The following TBC1D14 variants were observed in gnomAD, a reference collection of about 807,000 sequenced individuals.
TBC1D14 encodes the protein TBC1 domain family, member 14.
TBC1D14 carries 26 observed loss-of-function variants against 79.0 expected under a neutral mutation model. That is an observed-to-expected ratio of 0.33 (90% confidence interval 0.24 to 0.46). TBC1D14 has a LOEUF of 0.46. Among genes scored for constraint, TBC1D14 ranks in the 20% least tolerant of loss-of-function variants. The pLI is 1.00. For synonymous variants in TBC1D14, 394 were observed against 349.9 expected (o/e 1.13, Z -1.40); for missense variants, 769 against 887.6 (o/e 0.87, Z 1.70).
chr4:6,978,654 T>C (rs990051348), intron 3 of TBC1D14, among the ~76,000 whole-genome samples: 7 of 148,194 alleles, frequency 4.7e-5, no homozygotes, highest in Non-Finnish European at 1.0e-4. Flanking sequence ...TTTGTTCACT[T>C]GTTTATCTGC....
At chr4:6,934,057 A>C (rs371971885) in intron 2 of TBC1D14, among the ~76,000 whole-genome samples, 1 of 152,132 alleles carries the variant, frequency 6.6e-6, no homozygotes, top group South Asian at 2.1e-4. Context: ...CATCTTAGAC[A>C]TTTGCAGGAA....
chr4:7,026,553 C>T (rs983807056), intron 13 of TBC1D14, among the ~76,000 whole-genome samples: 3 of 152,120 alleles, frequency 2.0e-5, no homozygotes, highest in Non-Finnish European at 2.9e-5. Flanking sequence ...TATGCCACGC[C>T]ACTTCTCACT....
At chr4:7,007,370 A>G (rs540997958) in intron 9 of TBC1D14, among the ~76,000 whole-genome samples, 1 of 151,744 alleles carries the variant, frequency 6.6e-6, no homozygotes, top group Non-Finnish European at 1.5e-5. Context: ...TCTGAGCTGA[A>G]CTCTTTAAAG....
At chr4:7,012,356 T>A (rs987054952) in intron 11 of TBC1D14, among the ~76,000 whole-genome samples, 18 of 151,776 alleles carry the variant, frequency 1.2e-4, no homozygotes, top group Non-Finnish European at 2.4e-4. Context: ...ACTGGGACTG[T>A]AAATTGGCAC....
chr4:7,003,063 T>C (rs1448736392), intron 7 of TBC1D14, among the ~76,000 whole-genome samples: 1 of 152,158 alleles, frequency 6.6e-6, no homozygotes, highest in Non-Finnish European at 1.5e-5. Flanking sequence ...ATTGAAAACT[T>C]AGTGAAAGTC....
At chr4:7,019,838 G>C in intron 12 of TBC1D14, among the ~76,000 whole-genome samples, 1 of 70,588 alleles carries the variant, frequency 1.4e-5, no homozygotes, top group South Asian at 4.4e-4. Context: ...CTGGGGCACA[G>C]AGGTGGGTAT....
At chr4:6,920,796 G>C (rs972642991) in intron 1 of TBC1D14, among the ~76,000 whole-genome samples, 2 of 152,086 alleles carry the variant, frequency 1.3e-5, no homozygotes, top group African/African-American at 4.8e-5. Flanking sequence ...TTTTTACTTT[G>C]AGACAGAGTT....
At chr4:6,950,796 A>T (rs1016724756) in intron 2 of TBC1D14, among the ~76,000 whole-genome samples, 29 of 152,152 alleles carry the variant, frequency 1.9e-4, no homozygotes, top group Admixed American at 6.5e-5. Flanking sequence ...TACATTTATC[A>T]TTGATTTGAT....
At chr4:6,982,454 C>T (rs9942188) in intron 3 of TBC1D14, among the ~76,000 whole-genome samples, 15,081 of 152,040 alleles carry the variant, frequency 0.099, 1,266 homozygotes, top group African/African-American at 0.22. Context: ...GTGTGACTAC[C>T]GAGGGCTAAC....
chr4:7,012,726 A>G (rs1250859230), intron 11 of TBC1D14, among the ~76,000 whole-genome samples: 2 of 152,210 alleles, frequency 1.3e-5, no homozygotes, highest in African/African-American at 2.4e-5. Context: ...ACTAGTGTTT[A>G]TAGTTTTTTG....
intron 9 of TBC1D14, among the ~76,000 whole-genome samples, 156 bp from the exon 10 acceptor site, chr4:7,009,721 T>G (rs995193938): frequency 2.6e-5 from 4 of 152,210 alleles, no homozygotes; most frequent in Non-Finnish European, 4.4e-5. Flanking sequence ...TTTGTTAAAT[T>G]CCATATGCAT....
At chr4:6,949,132 G>C (rs12511796) in intron 2 of TBC1D14, among the ~76,000 whole-genome samples, 135,750 of 151,860 alleles carry the variant, frequency 0.89, 60,754 homozygotes, top group East Asian at 0.97. Context: ...TGAGATCTTG[G>C]CACTGCACTC....
At chr4:6,931,116 G>T (rs1711678888) in intron 2 of TBC1D14, among the ~76,000 whole-genome samples, 1 of 152,076 alleles carries the variant, frequency 6.6e-6, no homozygotes, top group Admixed American at 6.5e-5. Flanking sequence ...AGCCAGGCTG[G>T]TCTCGAACTT....
intron 12 of TBC1D14, among the ~76,000 whole-genome samples, chr4:7,018,841 T>C (rs1386304207): frequency 1.3e-5 from 2 of 152,380 alleles, no homozygotes; most frequent in Middle Eastern, 3.4e-3. Context: ...ATTTCACTTC[T>C]GAAAATATTT....
chr4:6,914,500 G>A (rs1383712645), intron 1 of TBC1D14, among the ~76,000 whole-genome samples: 1 of 152,194 alleles, frequency 6.6e-6, no homozygotes, highest in Admixed American at 6.5e-5. Context: ...GTGTAGCAGT[G>A]GAAACAGTGA....
chr4:7,011,305 G>T (rs3857173), intron 11 of TBC1D14, among the ~76,000 whole-genome samples: 42,624 of 148,842 alleles, frequency 0.29, 6,189 homozygotes, highest in East Asian at 0.37. Flanking sequence ...ATGACACTGC[G>T]TAAGTGGGAG....
chr4:7,023,854 G>A (rs941689214), intron 12 of TBC1D14, among the ~76,000 whole-genome samples: 1 of 152,234 alleles, frequency 6.6e-6, no homozygotes, highest in African/African-American at 2.4e-5. Flanking sequence ...TGTGCGCCCA[G>A]CTTCTGTTGT....
intron 12 of TBC1D14, 101 bp from the exon 13 acceptor site, chr4:7,024,903 T>C: frequency 6.6e-7 from 1 of 1,512,980 alleles, no homozygotes; most frequent in Non-Finnish European, 9.0e-7. Flanking sequence ...TGCCTGAAAG[T>C]GACTAGGGGA....
chr4:6,996,393 A>G lies in TBC1D14; in HGVS notation c.1031A>G (p.Gln344Arg). ...CAGCAGTATGAAGAAATGGTGGTTC[A>G]GGCCAAAAAGCGAGGTAATGGGGTT... Reference protein sequence around the residue: ...HRQQYEEMVVQAKKRELKEAQ... With the variant: ...HRQQYEEMVVRAKKRELKEAQ... The change falls in exon 5 of 14, where the codon CAG becomes CGG. Residue 344 changes from glutamine to arginine, a missense_variant. By Grantham distance (43) the Gln-to-Arg change is conservative. Around this residue, in one of 2 missense-constraint regions of TBC1D14, gnomAD observed 367 missense variants for 494.4 expected, o/e 0.74. Coordinates refer to ENST00000409757, the MANE Select transcript of TBC1D14 (RefSeq NM_020773.3). The G allele has an allele frequency of 4.3e-6, 7 of 1,613,596 alleles. No individual in the cohort carries two copies. The highest frequency in any genetic ancestry group is 5.9e-6 in the Non-Finnish European group (7 of 1,179,600).
Sources: gnomAD v4.1 joint callset for allele counts (sites outside exome capture counted in the v4.1 genomes callset) on GRCh38, gnomAD v4.1.1 for gene constraint, gnomAD v4.1.1 regional missense constraint, MANE v1.5 for transcripts, NCBI Gene and HGNC (gene_info 2026-07-23, HGNC 2026-07-21) for gene names.